The following MSTN variants were observed in gnomAD, a reference collection of about 807,000 sequenced individuals.
MSTN encodes myostatin.
Under a neutral mutation model 32.3 loss-of-function variants are expected in MSTN, and 12 were observed. The ratio of observed to expected loss-of-function variants is 0.37; its 90% CI spans 0.24 to 0.60. The LOEUF is 0.60. Among genes scored for constraint, MSTN ranks in the 20% least tolerant of loss-of-function variants. The probability of loss-of-function intolerance (pLI) is 0.67; values close to 1 mark genes in which losing one functional copy is unlikely to be tolerated. For synonymous variants in MSTN, 168 were observed against 155.1 expected, an observed-to-expected ratio of 1.08 and a Z score of -0.62; for missense variants, 403 against 450.3, an observed-to-expected ratio of 0.89 and a Z score of 0.95.
In MSTN at chr2:190,056,104, AC is replaced by A. The variant is rs1402604842; in HGVS notation, c.*1153del. On this transcript the variant is annotated 3_prime_UTR_variant, in exon 3 of 3. Coordinates refer to ENST00000260950, the MANE Select transcript of MSTN (RefSeq NM_005259.3). ...AAAAATATAAAATGATTGTAATATA[AC>A]CATCTAATCATTAACATATGGAGTT... 1 of 152,366 alleles carries A rather than the reference AC, an allele frequency of 6.6e-6. No individual in the cohort carries two copies. The highest frequency in any genetic ancestry group is 1.5e-5 in the Non-Finnish European group (1 of 67,982). 9.4% of individuals were successfully genotyped at this position (152,366 alleles called of 1,614,324 possible).
chr2:190,058,236 T>C (rs1459433027), intron 2 of MSTN, among the ~76,000 whole-genome samples: 3 of 152,034 alleles, frequency 2.0e-5, no homozygotes, highest in Non-Finnish European at 4.4e-5. Context: ...AATTTGTTGA[T>C]TCTGTCTCTG....
At chr2:190,059,225 A>G (rs1017373723) in intron 2 of MSTN, among the ~76,000 whole-genome samples, 3 of 151,968 alleles carry the variant, frequency 2.0e-5, no homozygotes, top group African/African-American at 7.2e-5. Flanking sequence ...ATGTGATCAC[A>G]TTAAGTATTT....
chr2:190,061,760 CAG>C (rs914979000), intron 1 of MSTN, among the ~76,000 whole-genome samples: 5 of 150,796 alleles, frequency 3.3e-5, no homozygotes, highest in African/African-American at 1.2e-4. Context: ...TTTCAAATAA[CAG>C]AAATCACTTG....
chr2:190,060,946 C>T (rs74753717), intron 1 of MSTN, among the ~76,000 whole-genome samples: 2 of 152,116 alleles, frequency 1.3e-5, no homozygotes, highest in East Asian at 3.9e-4. Flanking sequence ...ACATCTGTTA[C>T]ATTTTGGCTT....
intron 2 of MSTN, among the ~76,000 whole-genome samples, chr2:190,058,799 G>T (rs945655270): frequency 2.6e-5 from 4 of 151,860 alleles, no homozygotes; most frequent in Admixed American, 6.6e-5. Flanking sequence ...CTATGCGTAC[G>T]CAAAGACATA....
At chr2:190,060,014 G>A (rs2105752433) in intron 2 of MSTN, 48 bp downstream of exon 2, 1 of 1,564,490 alleles carries the variant, frequency 6.4e-7, no homozygotes, top group East Asian at 2.2e-5. Flanking sequence ...TTCATATTAT[G>A]AATAAAAACA....
At position 190,057,627 on chromosome 2, in the gene MSTN, TA is replaced by T; in HGVS notation, c.758del (p.Leu253Ter). The T allele has an allele frequency of 6.2e-7, 1 of 1,613,228 alleles. No individual in the cohort carries two copies. Among genetic ancestry groups the T allele is most frequent in the Non-Finnish European group, 8.5e-7 (1 of 1,179,360 alleles). On this transcript the variant is annotated frameshift_variant, in exon 3 of 3. Transcript: ENST00000260950. LOFTEE classifies it high-confidence loss of function. The stretch of plus-strand genomic sequence containing the variant: ...TTGGTGTGTCTGTTACCTTGACCTC[TA>T]AAAACGGATTCTGTTTGAAAAGGAA... ...GPGEDGLNPF[L>X]EVKVTDTPKR...
chr2:190,061,789 T>C (rs1045655416), intron 1 of MSTN, among the ~76,000 whole-genome samples: 2 of 151,452 alleles, frequency 1.3e-5, no homozygotes, highest in African/African-American at 4.8e-5. Context: ...TCAGCAGTGC[T>C]CAAGTAAGCT....
chr2:190,060,484 C>T, intron 1 of MSTN, 49 bp from the exon 2 acceptor site: 1 of 1,523,178 alleles, frequency 6.6e-7, no homozygotes, highest in Non-Finnish European at 9.0e-7. Flanking sequence ...TTCCCATTAA[C>T]AAAACCCCTC....
rs1685438862 is a variant in MSTN, at chr2:190,056,707, T to C, written c.*551A>G. The C allele has an allele frequency of 1.3e-5, 2 of 153,790 alleles. No homozygotes were observed. The highest frequency in any genetic ancestry group is 1.5e-5 in the Non-Finnish European group (1 of 68,862). 9.5% of individuals were successfully genotyped at this position (153,790 alleles called of 1,614,324 possible). A position where few individuals can be genotyped will look rare whatever the true frequency, so the allele number is the denominator to read the frequency against. ...ATCGTATTAGCACCGTTGGCATGGATTGTTAATGTACTGTGTCAATTATAA... is the reference window on the plus strand; with the variant it reads ...ATCGTATTAGCACCGTTGGCATGGACTGTTAATGTACTGTGTCAATTATAA... On this transcript the variant is annotated 3_prime_UTR_variant, in exon 3 of 3. Coordinates refer to ENST00000260950, the MANE Select transcript of MSTN (RefSeq NM_005259.3).
In MSTN at chr2:190,057,025, C is replaced by T; in HGVS notation, c.*233G>A. On this transcript the variant is annotated 3_prime_UTR_variant, in exon 3 of 3. Transcript: ENST00000260950. Reference sequence around the variant, plus strand: ...AGGAACATAAATGTAATTTGATCTCCTTCTAGCTCAAAAACTCTGGAAATC... The same window carrying T: ...AGGAACATAAATGTAATTTGATCTCTTTCTAGCTCAAAAACTCTGGAAATC... The T allele has an allele frequency of 1.9e-6, 1 of 517,736 alleles. No individual in the cohort carries two copies. Among genetic ancestry groups the T allele is most frequent in the Non-Finnish European group, 3.4e-6 (1 of 291,680 alleles). The allele number at this position is 517,736 out of a possible 1,614,324, so 32.1% of individuals were successfully genotyped here.
In MSTN at chr2:190,062,535, A is replaced by G; in HGVS notation, c.62T>C (p.Val21Ala). The change falls in exon 1 of 3, where the codon GTG becomes GCG. Residue 21 changes from valine to alanine, a missense_variant. Coordinates refer to ENST00000260950, the MANE Select transcript of MSTN (RefSeq NM_005259.3). ...YLFMLIVAGP[V>A]DLNENSEQKE... ...TTGCTCACTGTTCTCATTTAGATCCACTGGACCAGCAACAATCAGCATAAA... is the reference window on the plus strand; with the variant it reads ...TTGCTCACTGTTCTCATTTAGATCCGCTGGACCAGCAACAATCAGCATAAA... The G allele has an allele frequency of 6.2e-7, 1 of 1,613,326 alleles. No individual in the cohort carries two copies. Among genetic ancestry groups the G allele is most frequent in the Non-Finnish European group, 8.5e-7 (1 of 1,179,530 alleles).
At chr2:190,061,699 C>T (rs561908619) in intron 1 of MSTN, among the ~76,000 whole-genome samples, 2 of 152,132 alleles carry the variant, frequency 1.3e-5, no homozygotes, top group East Asian at 3.9e-4. Context: ...AGTGTAATAG[C>T]TCTCAAAATT....
At chr2:190,057,830 T>G (rs1685478509) in intron 2 of MSTN, among the ~76,000 whole-genome samples, 192 bp from the exon 3 acceptor site, 1 of 152,112 alleles carries the variant, frequency 6.6e-6, no homozygotes, top group Non-Finnish European at 1.5e-5. Context: ...CAAAAGAATT[T>G]AACAGCAATA....
At position 190,062,728 on chromosome 2, in the gene MSTN, CT is replaced by C; in HGVS notation, c.-133del. On this transcript the variant is annotated 5_prime_UTR_variant, in exon 1 of 3. Transcript: ENST00000260950. ...GAGACAACTTGCCACACCAGTGAAT[CT>C]TTTATACTGTATTCCAAGTGGCTTT... The C allele has an allele frequency of 1.3e-6, 1 of 790,502 alleles. No homozygotes were observed. Among genetic ancestry groups the C allele is most frequent in the Non-Finnish European group, 2.0e-6 (1 of 504,442 alleles). The allele number at this position is 790,502 out of a possible 1,614,324, so 49.0% of individuals were successfully genotyped here. A position where few individuals can be genotyped will look rare whatever the true frequency, so the allele number is the denominator to read the frequency against.
intron 2 of MSTN, 54 bp downstream of exon 2, chr2:190,060,008 T>C (rs1173570715): frequency 6.4e-7 from 1 of 1,553,016 alleles, no homozygotes; most frequent in East Asian, 2.3e-5. Context: ...TGTTTGTTCA[T>C]ATTATGAATA....
Position 190,060,362 on chromosome 2 carries a change from A to G in MSTN, c.447T>C (p.Asn149=). 1 of 1,611,814 alleles carries G rather than the reference A, an allele frequency of 6.2e-7. No individual in the cohort carries two copies. Among genetic ancestry groups the G allele is most frequent in the South Asian group, 1.1e-5 (1 of 90,804 alleles). Residue 149 remains asparagine, a synonymous_variant, in exon 2 of 3, where the codon AAT becomes AAC. Transcript: ENST00000260950. ...FFKFSSKIQY[N]KVVKAQLWIY... is the part of the protein sequence containing the mutation. ...TCCATAGTTGGGCCTTTACTACTTT[A>G]TTGTATTGTATTTTAGAGCTAAATT...
Position 190,057,244 on chromosome 2 carries a change from G to T in MSTN, c.*14C>A, listed in dbSNP as rs779290063. The T allele has an allele frequency of 2.9e-5, 47 of 1,612,536 alleles. 1 individual carries two copies. The highest frequency in any genetic ancestry group is 3.3e-4 in the Middle Eastern group (2 of 6,056). Reference sequence around the variant, plus strand: ...TTCCATGTTTTAGGAAGTTATGAACGCTTAATATAAATCTCATGAGCACCC... The same window carrying T: ...TTCCATGTTTTAGGAAGTTATGAACTCTTAATATAAATCTCATGAGCACCC... On this transcript the variant is annotated 3_prime_UTR_variant, in exon 3 of 3. Transcript: ENST00000260950.
Position 190,062,593 on chromosome 2 carries a change from G to C in MSTN, c.4C>G (p.Gln2Glu). 3.1e-6 allele frequency: 5 copies of C among 1,611,020 alleles called. No homozygotes were observed. Among genetic ancestry groups the C allele is most frequent in the Non-Finnish European group, 3.4e-6 (4 of 1,178,496 alleles). M[Q>E]KLQLCVYIYL... ...ATATAAACACAGAGTTGCAGTTTTT[G>C]CATGATTTTAAAATCAATATAATCT... The change falls in exon 1 of 3, where the codon CAA (glutamine) becomes GAA (glutamate). Residue 2 changes from glutamine to glutamate, a missense_variant. Gln to Glu is a conservative substitution (Grantham distance 29). Transcript: ENST00000260950.
Sources: gnomAD v4.1 joint callset for allele counts (sites outside exome capture counted in the v4.1 genomes callset) on GRCh38, gnomAD v4.1.1 for gene constraint, MANE v1.5 for transcripts, NCBI Gene and HGNC (gene_info 2026-07-23, HGNC 2026-07-21) for gene names.